SKIC3: variants seen among roughly 807,000 people sequenced by gnomAD.
SKIC3 encodes the protein SKI3 subunit of superkiller complex.
At chr5:95,523,382 C>T in the SKIC3 span, 14 of 1,541,948 alleles carry the variant, frequency 9.1e-6, no homozygotes, top group African/African-American at 6.9e-5. Context: ...AAAGACAGAA[C>T]GCTCATGTAA....
the SKIC3 span, chr5:95,529,182 T>G: frequency 8.6e-7 from 1 of 1,159,906 alleles, no homozygotes; most frequent in Non-Finnish European, 1.3e-6. Context: ...ACTCTCCAAA[T>G]CAGACTCCTC....
At chr5:95,506,886 G>GA in the SKIC3 span, 1 of 1,591,010 alleles carries the variant, frequency 6.3e-7, no homozygotes, top group South Asian at 1.1e-5. Context: ...GCTTTCACCA[G>GA]AAAAATACAA....
the SKIC3 span, among the ~76,000 whole-genome samples, chr5:95,473,776 G>A: frequency 1.3e-5 from 2 of 152,052 alleles, no homozygotes; most frequent in African/African-American, 4.8e-5. Context: ...CTTCTTGCTT[G>A]CTGATTTACG....
the SKIC3 span, chr5:95,491,152 A>T: frequency 1.4e-6 from 2 of 1,428,816 alleles, no homozygotes; most frequent in Non-Finnish European, 1.9e-6. Context: ...CTAAAAAAAA[A>T]TTTCACTTTC....
chr5:95,539,122 A>G, the SKIC3 span, among the ~76,000 whole-genome samples: 268 of 152,346 alleles, frequency 1.8e-3, 3 homozygotes, highest in Admixed American at 1.9e-3. Flanking sequence ...TTGTACATTT[A>G]CAAAACACCT....
the SKIC3 span, chr5:95,517,064 C>T: frequency 6.8e-6 from 11 of 1,613,392 alleles, no homozygotes; most frequent in South Asian, 3.3e-5. Flanking sequence ...ATAACACCTA[C>T]GGGAATATAA....
At chr5:95,481,586 A>C in the SKIC3 span, among the ~76,000 whole-genome samples, 1 of 152,182 alleles carries the variant, frequency 6.6e-6, no homozygotes, top group East Asian at 1.9e-4. Context: ...GATAATGAAT[A>C]TGAAATCAAC....
chr5:95,494,234 C>T, the SKIC3 span, among the ~76,000 whole-genome samples: 5 of 152,098 alleles, frequency 3.3e-5, no homozygotes, highest in Non-Finnish European at 5.9e-5. Flanking sequence ...ATAATTGGTG[C>T]TCTCTTAATA....
the SKIC3 span, among the ~76,000 whole-genome samples, chr5:95,533,763 T>C: frequency 6.6e-6 from 1 of 152,214 alleles, no homozygotes; most frequent in Non-Finnish European, 1.5e-5. Context: ...ATCCCTTCAC[T>C]ATGTCTTTAT....
At chr5:95,502,176 G>A in the SKIC3 span, among the ~76,000 whole-genome samples, 3 of 152,076 alleles carry the variant, frequency 2.0e-5, no homozygotes, top group African/African-American at 7.2e-5. Context: ...ACTGAGGAGT[G>A]CTAATATTAG....
At chr5:95,488,704 A>G in the SKIC3 span, among the ~76,000 whole-genome samples, 1 of 152,234 alleles carries the variant, frequency 6.6e-6, no homozygotes, top group Admixed American at 6.5e-5. Flanking sequence ...AGAACAGACA[A>G]CATTTACCAT....
At chr5:95,468,135 G>C in the SKIC3 span, 1 of 1,033,180 alleles carries the variant, frequency 9.7e-7, no homozygotes, top group African/African-American at 1.6e-5. Context: ...TAACAATAAA[G>C]GTAATAATGG....
chr5:95,488,069 C>A, the SKIC3 span, among the ~76,000 whole-genome samples: 1 of 151,680 alleles, frequency 6.6e-6, no homozygotes, highest in African/African-American at 2.4e-5. Context: ...GCTTCAACAA[C>A]AGACTAGATC....
the SKIC3 span, chr5:95,507,115 T>C: frequency 9.8e-7 from 1 of 1,025,244 alleles, no homozygotes. Flanking sequence ...TTCTACTAAT[T>C]CTTTGGTGCT....
At chr5:95,490,767 G>T in the SKIC3 span, 3 of 1,062,934 alleles carry the variant, frequency 2.8e-6, no homozygotes, top group South Asian at 4.2e-5. Flanking sequence ...CAAAGTGCTG[G>T]GATTACAGGC....
the SKIC3 span, among the ~76,000 whole-genome samples, chr5:95,464,879 A>ATGCACAAT: frequency 5.4e-3 from 802 of 149,836 alleles, 9 homozygotes; most frequent in African/African-American, 0.018. Context: ...CATCAGAGAG[A>ATGCACAAT]TGCACAATTC....
At chr5:95,522,195 C>A in the SKIC3 span, 2 of 1,613,832 alleles carry the variant, frequency 1.2e-6, no homozygotes, top group Non-Finnish European at 1.7e-6. Context: ...AGCTCACTGG[C>A]TTTTGTGAAG....
At chr5:95,517,117 G>A in the SKIC3 span, 1 of 1,613,450 alleles carries the variant, frequency 6.2e-7, no homozygotes, top group Admixed American at 1.7e-5. Flanking sequence ...CAATTCAAAT[G>A]TTATTAACTG....
chr5:95,497,473 A>T, the SKIC3 span: 13 of 1,613,472 alleles, frequency 8.1e-6, no homozygotes, highest in Non-Finnish European at 1.1e-5. Flanking sequence ...ACCAAAGAGC[A>T]GGGTCACCAG....
Sources: gnomAD v4.1 joint callset for allele counts (sites outside exome capture counted in the v4.1 genomes callset) on GRCh38, gnomAD v4.1.1 for gene constraint, MANE v1.5 for transcripts, NCBI Gene and HGNC (gene_info 2026-07-23, HGNC 2026-07-21) for gene names.